Variants in C6orf163 observed in about 807,000 individuals in gnomAD.
C6orf163 encodes the protein chromosome 6 open reading frame 163, also known as uncharacterized protein C6orf163.
In C6orf163, 22 loss-of-function variants were observed where a neutral mutation model predicts 28.4. That is an observed-to-expected ratio of 0.78 (90% CI 0.55 to 1.11). The LOEUF (loss-of-function observed/expected upper bound fraction) is 1.11. Among genes scored for constraint, C6orf163 ranks in the 50% least tolerant of loss-of-function variants. The pLI is 0.00. For missense variants in C6orf163, 342 were observed against 389.1 expected, an observed-to-expected ratio of 0.88 and a Z score of 1.02; for synonymous variants, 110 against 123.6, an observed-to-expected ratio of 0.89 and a Z score of 0.73.
intron 4 of C6orf163, among the ~76,000 whole-genome samples, chr6:87,364,452 T>C (rs1164012903): frequency 6.6e-6 from 1 of 152,192 alleles, no homozygotes; most frequent in Non-Finnish European, 1.5e-5. Flanking sequence ...GCTTCCTCGA[T>C]AATTTTGAGA....
intron 3 of C6orf163, among the ~76,000 whole-genome samples, chr6:87,351,406 G>C (rs1777410729): frequency 6.6e-6 from 1 of 152,184 alleles, no homozygotes; most frequent in Non-Finnish European, 1.5e-5. Context: ...CCGTATATTA[G>C]ATCTGTACCG....
At chr6:87,362,831 A>AG (rs1034984927) in intron 4 of C6orf163, among the ~76,000 whole-genome samples, 1 of 152,116 alleles carries the variant, frequency 6.6e-6, no homozygotes, top group African/African-American at 2.4e-5. Context: ...TGGGAGGCAG[A>AG]GGGGGAGGAT....
Position 87,345,004 on chromosome 6 carries a change from C to G in C6orf163, c.-96C>G. On this transcript the variant is annotated 5_prime_UTR_variant, in exon 1 of 5. Transcript: ENST00000388923. ...ATTATCCTAAAACCCTGAACCTCTT[C>G]CAGCTTTCTTAAACTTTCAGCTTTT... 9.9e-7 allele frequency: 1 copy of G among 1,012,334 alleles called. No homozygotes were observed. The allele number at this position is 1,012,334 out of a possible 1,614,324, so 62.7% of individuals were successfully genotyped here. A position where few individuals can be genotyped will look rare whatever the true frequency, so the allele number is the denominator to read the frequency against.
chr6:87,346,785 A>C (rs1777330923), intron 1 of C6orf163, among the ~76,000 whole-genome samples: 2 of 151,778 alleles, frequency 1.3e-5, no homozygotes, highest in South Asian at 4.2e-4. Flanking sequence ...TACGGTCAGG[A>C]CTAAGCATGT....
chr6:87,365,238 C>T lies in C6orf163; in HGVS notation c.832C>T (p.Leu278=), dbSNP rs1436385172. The change falls in exon 5 of 5, where the codon CTA becomes TTA. Residue 278 remains leucine, a synonymous_variant. Coordinates refer to ENST00000388923, the MANE Select transcript of C6orf163 (RefSeq NM_001010868.3). ...AATCATGACAAATTGGAAAGATTTC[C>T]TAGAGGAGGAATTACAGGAAACCAG... is the stretch of plus-strand genomic sequence containing the variant. ...LGIMTNWKDF[L]EEELQETRMA... 6.4e-7 allele frequency: 1 copy of T among 1,551,430 alleles called. No homozygotes were observed. Among genetic ancestry groups the T allele is most frequent in the African/African-American group, 1.4e-5 (1 of 72,990 alleles).
chr6:87,349,395 C>T (rs1412276226), intron 2 of C6orf163, among the ~76,000 whole-genome samples: 1 of 152,172 alleles, frequency 6.6e-6, no homozygotes, highest in Non-Finnish European at 1.5e-5. Context: ...GCCTACTCCC[C>T]TTTTCCTCCC....
At position 87,365,228 on chromosome 6, in the gene C6orf163, G is replaced by A. The variant is rs911074226; in HGVS notation, c.822G>A (p.Trp274Ter). The A allele has an allele frequency of 1.3e-6, 2 of 1,551,582 alleles. No individual in the cohort carries two copies. Among genetic ancestry groups the A allele is most frequent in the Admixed American group, 2.0e-5 (1 of 50,980 alleles). The change falls in exon 5 of 5, where the codon TGG becomes TGA. Residue 274 changes from tryptophan (W) to a stop codon, truncating the protein, a stop_gained. Transcript: ENST00000388923. LOFTEE classifies it high-confidence loss of function. Reference sequence around the variant, plus strand: ...AACAACTGGGAATCATGACAAATTGGAAAGATTTCCTAGAGGAGGAATTAC... The same window carrying A: ...AACAACTGGGAATCATGACAAATTGAAAAGATTTCCTAGAGGAGGAATTAC... ...IAKQLGIMTNWKDFLEEELQE... is the reference protein window; with the variant it reads ...IAKQLGIMTN
rs2127928639 is a variant in C6orf163, at chr6:87,345,066, A to T, written c.-34A>T. Reference sequence around the variant, plus strand: ...TTTTTCTGATTCTAAGATTATTTTAACTGTAAGTAGGAGAAGACATCTGAA... The same window carrying T: ...TTTTTCTGATTCTAAGATTATTTTATCTGTAAGTAGGAGAAGACATCTGAA... On this transcript the variant is annotated 5_prime_UTR_variant, in exon 1 of 5. Transcript: ENST00000388923. 1 of 1,473,170 alleles carries T rather than the reference A, an allele frequency of 6.8e-7. No homozygotes were observed. Among genetic ancestry groups the T allele is most frequent in the Non-Finnish European group, 9.0e-7 (1 of 1,112,928 alleles). 91.3% of individuals were successfully genotyped at this position (1,473,170 alleles called of 1,614,324 possible). A position where few individuals can be genotyped will look rare whatever the true frequency, so the allele number is the denominator to read the frequency against.
At chr6:87,363,999 T>A (rs964978930) in intron 4 of C6orf163, among the ~76,000 whole-genome samples, 4 of 151,010 alleles carry the variant, frequency 2.6e-5, no homozygotes, top group African/African-American at 9.7e-5. Context: ...AAAAAAAAAA[T>A]TAGGCTGGGT....
At chr6:87,355,569 A>G (rs1225198932) in intron 3 of C6orf163, among the ~76,000 whole-genome samples, 2 of 152,164 alleles carry the variant, frequency 1.3e-5, no homozygotes, top group East Asian at 1.9e-4. Flanking sequence ...TCAAAAAAAA[A>G]CAATTACCTT....
At chr6:87,354,276 T>G (rs1777464262) in intron 3 of C6orf163, among the ~76,000 whole-genome samples, 1 of 152,234 alleles carries the variant, frequency 6.6e-6, no homozygotes, top group South Asian at 2.1e-4. Context: ...AGTAATTTTC[T>G]TGTTCTTTGA....
chr6:87,364,849 C>T, intron 4 of C6orf163, 112 bp from the exon 5 acceptor site: 2 of 771,744 alleles, frequency 2.6e-6, no homozygotes, highest in Non-Finnish European at 2.1e-6. Context: ...CAGCCTGTCT[C>T]AGGCTGGTGG....
chr6:87,364,323 T>A (rs1777617182), intron 4 of C6orf163, among the ~76,000 whole-genome samples: 1 of 152,172 alleles, frequency 6.6e-6, no homozygotes. Flanking sequence ...CATGAAATAT[T>A]TCATTGTTTG....
At chr6:87,348,174 A>G in intron 1 of C6orf163, 1 of 982,124 alleles carries the variant, frequency 1.0e-6, no homozygotes, top group Non-Finnish European at 1.2e-6. Flanking sequence ...GAGAAATCCC[A>G]GTGGAAAAAG....
At chr6:87,350,271 C>A in intron 2 of C6orf163, 123 bp from the exon 3 acceptor site, 1 of 660,970 alleles carries the variant, frequency 1.5e-6, no homozygotes, top group Non-Finnish European at 2.6e-6. Context: ...AAATTAGGGA[C>A]TCCATGGTTG....
intron 3 of C6orf163, among the ~76,000 whole-genome samples, chr6:87,351,975 T>G (rs1422307671): frequency 6.6e-6 from 1 of 152,212 alleles, no homozygotes; most frequent in Non-Finnish European, 1.5e-5. Flanking sequence ...GTTTCAAGGT[T>G]CACATGCTAG....
intron 4 of C6orf163, chr6:87,358,143 A>G (rs926193670): frequency 1.3e-5 from 2 of 152,204 alleles, no homozygotes; most frequent in African/African-American, 4.8e-5. Context: ...ACTGTTGAGA[A>G]TTCTATGCAG....
intron 1 of C6orf163, chr6:87,347,358 G>A: frequency 1.0e-6 from 1 of 976,938 alleles, no homozygotes; most frequent in Non-Finnish European, 1.2e-6. Context: ...TGTACAATCA[G>A]GGTTGAGAAC....
chr6:87,361,053 C>G lies in C6orf163; in HGVS notation c.555-3908C>G, dbSNP rs143883843. On this transcript the variant is annotated intron_variant, in intron 4 of 4. Transcript: ENST00000388923. ...GTGGCTCATGCTTGTAATCCCAGCA[C>G]TTTGGGAGGCTGAGGTAGGAGGATC... Among the ~76,000 whole-genome samples, 691 of 152,206 alleles carry G rather than the reference C, an allele frequency of 4.5e-3. 5 individuals are homozygous for G. The highest frequency in any genetic ancestry group is 7.5e-3 in the Non-Finnish European group (510 of 67,984).
Sources: allele counts gnomAD v4.1 joint callset (sites outside exome capture counted in the v4.1 genomes callset), GRCh38; gene constraint gnomAD v4.1.1; transcripts MANE v1.5; gene names NCBI Gene and HGNC (gene_info 2026-07-23, HGNC 2026-07-21).